The following KLHL29 variants were observed in gnomAD, a reference collection of about 807,000 sequenced individuals.
KLHL29 encodes kelch like family member 29.
Under a neutral mutation model 80.4 loss-of-function variants are expected in KLHL29, and 21 were observed. The ratio of observed to expected loss-of-function variants is 0.26; its 90% CI spans 0.19 to 0.38. KLHL29 has a LOEUF of 0.38. Ranked by LOEUF, KLHL29 falls within the 10% of genes least tolerant of loss-of-function variation. The pLI, the probability that KLHL29 is intolerant of heterozygous loss-of-function variation, is 1.00. For synonymous variants in KLHL29, 511 were observed against 526.8 expected (o/e 0.97, Z 0.41); for missense variants, 867 against 1,223.9 (o/e 0.71, Z 4.35).
At chr2:23,521,563 C>T (rs1031102971) in intron 2 of KLHL29, among the ~76,000 whole-genome samples, 13 of 152,334 alleles carry the variant, frequency 8.5e-5, no homozygotes, top group African/African-American at 3.1e-4. Flanking sequence ...AGCCACTCCT[C>T]TCTGCCTCCT....
Position 23,562,463 on chromosome 2 carries a change from G to C in KLHL29, c.267G>C (p.Ala89=). The change falls in exon 3 of 14, where the codon GCG becomes GCC. Residue 89 remains alanine, a synonymous_variant. Coordinates refer to ENST00000486442, the MANE Select transcript of KLHL29 (RefSeq NM_052920.2). This position sits in a 1 kb window ranked among gnomAD's most constrained non-coding sequence, Gnocchi z 4.5. ...TCACCAGCCTCGTGGCCAGCTCTGC[G>C]TCTGCGGTCACCACCAAGGTAAGAT... ...EAITSLVASS[A]SAVTTKAPGI... 6.5e-7 allele frequency: 1 copy of C among 1,536,174 alleles called. No individual in the cohort carries two copies. The highest frequency in any genetic ancestry group is 8.7e-7 in the Non-Finnish European group (1 of 1,146,756).
chr2:23,690,114 C>G (rs899463178), intron 6 of KLHL29: 3 of 152,296 alleles, frequency 2.0e-5, no homozygotes, highest in Admixed American at 1.3e-4. Flanking sequence ...TGCACCTCCC[C>G]CTCTCCTCCT....
In KLHL29 at chr2:23,476,139, C is replaced by T. The variant is rs749316192; in HGVS notation, c.-46+472C>T. 5.3e-4 allele frequency among the ~76,000 whole-genome samples: 80 copies of T among 152,152 alleles called. No homozygotes were observed. In the Middle Eastern group the frequency reaches 0.014, roughly 26 times the overall value. On this transcript the variant is annotated intron_variant, in intron 2 of 13. Coordinates refer to ENST00000486442, the MANE Select transcript of KLHL29 (RefSeq NM_052920.2). ...ATCTACCCGCTTCAGCCTCCCAAAG[C>T]GCTGCGATTGTAGGCGTGAGCCACC...
chr2:23,440,304 T>C (rs1042572915), intron 1 of KLHL29, among the ~76,000 whole-genome samples: 1 of 151,820 alleles, frequency 6.6e-6, no homozygotes. Context: ...GATCCCTTCC[T>C]TACACCTTAT....
chr2:23,422,714 G>T (rs1182207569), intron 1 of KLHL29, among the ~76,000 whole-genome samples: 1 of 150,758 alleles, frequency 6.6e-6, no homozygotes, highest in Non-Finnish European at 1.5e-5. Context: ...CGGTCCGCCT[G>T]TGCAGGTGAG....
chr2:23,427,226 T>C (rs1663028540), intron 1 of KLHL29, among the ~76,000 whole-genome samples: 1 of 152,140 alleles, frequency 6.6e-6, no homozygotes, highest in Non-Finnish European at 1.5e-5. Context: ...CGTTGATCAT[T>C]CTGGGCTGAA....
chr2:23,585,682 A>T (rs975003006), intron 3 of KLHL29, among the ~76,000 whole-genome samples: 1 of 151,658 alleles, frequency 6.6e-6, no homozygotes, highest in Admixed American at 6.6e-5. Context: ...GCCTGCCCAG[A>T]TTTTTGGCTT....
chr2:23,693,834 C>A (rs1460952422), intron 8 of KLHL29, among the ~76,000 whole-genome samples: 1 of 152,162 alleles, frequency 6.6e-6, no homozygotes, highest in Admixed American at 6.5e-5. Context: ...TGGAGGAGCC[C>A]ATACCTGCTC....
chr2:23,429,825 C>T (rs1186067291), intron 1 of KLHL29, among the ~76,000 whole-genome samples: 1 of 152,064 alleles, frequency 6.6e-6, no homozygotes, highest in Non-Finnish European at 1.5e-5. Flanking sequence ...ACCTATAACA[C>T]CCCTTTCCCT....
chr2:23,399,984 G>A (rs1007520144), intron 1 of KLHL29, among the ~76,000 whole-genome samples: 2 of 152,174 alleles, frequency 1.3e-5, no homozygotes, highest in African/African-American at 4.8e-5. Context: ...ATGGCACTGT[G>A]GTTTGGAGAC....
intron 1 of KLHL29, among the ~76,000 whole-genome samples, chr2:23,387,032 A>C (rs955348946): frequency 2.0e-5 from 3 of 151,896 alleles, no homozygotes; most frequent in African/African-American, 7.3e-5. Flanking sequence ...CTGATGGGTA[A>C]GGAGCTGCCG....
chr2:23,493,228 T>C (rs1665157697), intron 2 of KLHL29, among the ~76,000 whole-genome samples: 1 of 152,176 alleles, frequency 6.6e-6, no homozygotes, highest in Non-Finnish European at 1.5e-5. Context: ...AGGGGGCCTC[T>C]GGGAGCTTTT....
chr2:23,428,975 T>G (rs1238568576), intron 1 of KLHL29, among the ~76,000 whole-genome samples: 1 of 152,230 alleles, frequency 6.6e-6, no homozygotes, highest in Non-Finnish European at 1.5e-5. Flanking sequence ...CTCATCCTGA[T>G]TCTGCTGCCA....
intron 5 of KLHL29, among the ~76,000 whole-genome samples, chr2:23,676,258 CT>C (rs1572487766): frequency 6.6e-6 from 1 of 152,170 alleles, no homozygotes; most frequent in Non-Finnish European, 1.5e-5. Flanking sequence ...TCTCAGCTCA[CT>C]GCAAGCTCCG....
chr2:23,609,916 A>C (rs1418018832), intron 3 of KLHL29, among the ~76,000 whole-genome samples: 1 of 152,058 alleles, frequency 6.6e-6, no homozygotes, highest in Admixed American at 6.6e-5. Context: ...CTGACCCCCC[A>C]CTTCTTTCCA....
chr2:23,597,838 A>G (rs2103521220), intron 3 of KLHL29, among the ~76,000 whole-genome samples: 1 of 152,186 alleles, frequency 6.6e-6, no homozygotes, highest in Non-Finnish European at 1.5e-5. Context: ...GAGAAGATGC[A>G]TCTTCCTGGT....
chr2:23,639,076 A>G (rs1023327158), intron 3 of KLHL29, 63 bp from the exon 4 acceptor site: 1 of 1,442,234 alleles, frequency 6.9e-7, no homozygotes, highest in Non-Finnish European at 9.1e-7. Flanking sequence ...CCTCCTAGGG[A>G]GTCTTGTTCT....
At chr2:23,433,403 G>A (rs774018208) in intron 1 of KLHL29, among the ~76,000 whole-genome samples, 12 of 152,176 alleles carry the variant, frequency 7.9e-5, no homozygotes, top group Non-Finnish European at 1.5e-4. Context: ...TCCCCATGAG[G>A]GAATCTGGTG....
At chr2:23,616,161 G>C (rs1668998651) in intron 3 of KLHL29, among the ~76,000 whole-genome samples, 1 of 152,134 alleles carries the variant, frequency 6.6e-6, no homozygotes, top group African/African-American at 2.4e-5. Flanking sequence ...CTGACCATGA[G>C]GTTACACCCC....
Sources: gnomAD v4.1 joint callset for allele counts (sites outside exome capture counted in the v4.1 genomes callset) on GRCh38, gnomAD v4.1.1 for gene constraint, Gnocchi (gnomAD v3.1) non-coding constraint, MANE v1.5 for transcripts, NCBI Gene and HGNC (gene_info 2026-07-23, HGNC 2026-07-21) for gene names.